DYNC2H1: variants seen among roughly 807,000 people sequenced by gnomAD.
The protein encoded by DYNC2H1 is cytoplasmic dynein 2 heavy chain 1.
A neutral mutation model predicts 570.0 loss-of-function variants in DYNC2H1; 410 were observed. That is an observed-to-expected ratio of 0.72 (90% CI 0.66 to 0.78). The LOEUF (loss-of-function observed/expected upper bound fraction) is 0.78, where lower values mean the gene tolerates loss of function less well. DYNC2H1 is among the 30% of genes least tolerant of loss of function. The pLI is 0.00. For missense variants in DYNC2H1, 4,865 were observed against 5,046.4 expected (o/e 0.96, Z 1.09); for synonymous variants, 1,688 against 1,677.6 (o/e 1.01, Z -0.15).
chr11:103,156,816 AAATT>A (rs769892557), intron 26 of DYNC2H1, 46 bp downstream of exon 26: 63 of 1,568,916 alleles, frequency 4.0e-5, no homozygotes, highest in Non-Finnish European at 4.7e-5. Flanking sequence ...TATTTTTTTT[AAATT>A]AATTCATATT....
At chr11:103,222,875 A>T (rs1863642664) in intron 58 of DYNC2H1, 90 bp from the exon 59 acceptor site, 1 of 1,537,778 alleles carries the variant, frequency 6.5e-7, no homozygotes, top group Non-Finnish European at 8.8e-7. Context: ...GGTCAAGTTA[A>T]TAAGTGCCCA....
Position 103,152,190 on chromosome 11 carries a change from G to T in DYNC2H1, c.3001G>T (p.Ala1001Ser), listed in dbSNP as rs757282644. The T allele has an allele frequency of 1.0e-4, 161 of 1,608,574 alleles. No homozygotes were observed. The highest frequency in any genetic ancestry group is 1.3e-4 in the Non-Finnish European group (156 of 1,178,220). The change falls in exon 21 of 89, where the codon GCT (alanine) becomes TCT (serine). Residue 1001 changes from alanine (A) to serine (S), a missense_variant. Physicochemically the swap from Ala to Ser is moderately conservative, Grantham distance 99. This residue lies in a region of DYNC2H1 where 1,936 missense variants were observed against 1,962.1 expected (regional missense o/e 0.99). Transcript: ENST00000375735. ...CAAAAACAGACTTTTACGAACTGTG[G>T]CTGGTGGAGGTTTAGAAACAATTAG... is the stretch of plus-strand genomic sequence containing the variant. ...EDKNRLLRTVAGGGLETISNL... is the reference protein window; with the variant it reads ...EDKNRLLRTVSGGGLETISNL...
chr11:103,174,222 T>A, intron 36 of DYNC2H1, 52 bp downstream of exon 36: 2 of 1,406,102 alleles, frequency 1.4e-6, no homozygotes, highest in Non-Finnish European at 1.9e-6. Context: ...ACATAAGCGT[T>A]AATTTAGAAT....
intron 78 of DYNC2H1, among the ~76,000 whole-genome samples, chr11:103,309,402 C>T (rs1312002844): frequency 1.6e-4 from 24 of 148,538 alleles, no homozygotes; most frequent in African/African-American, 5.2e-4. Context: ...ACTATGTTGC[C>T]GAGGCTGGTC....
chr11:103,137,232 T>C (rs1018244055), intron 17 of DYNC2H1, among the ~76,000 whole-genome samples: 2 of 148,962 alleles, frequency 1.3e-5, no homozygotes, highest in Admixed American at 1.3e-4. Context: ...TTAGTTGAAT[T>C]AGATCCCATT....
chr11:103,119,622 G>C (rs926566453), intron 6 of DYNC2H1, among the ~76,000 whole-genome samples: 1 of 152,190 alleles, frequency 6.6e-6, no homozygotes, highest in Non-Finnish European at 1.5e-5. Context: ...TTACAGGCGT[G>C]AGCCACTGCA....
chr11:103,208,859 T>C (rs1294038475), intron 52 of DYNC2H1, among the ~76,000 whole-genome samples: 3 of 152,134 alleles, frequency 2.0e-5, no homozygotes, highest in African/African-American at 7.2e-5. Context: ...CCATTTTTAC[T>C]TCAAGGGAAG....
At chr11:103,304,185 G>A (rs1361485510) in intron 76 of DYNC2H1, among the ~76,000 whole-genome samples, 2 of 152,086 alleles carry the variant, frequency 1.3e-5, no homozygotes, top group Non-Finnish European at 2.9e-5. Flanking sequence ...ATTGAAAAGT[G>A]AAAATTCTAC....
At chr11:103,388,328 G>A (rs966787032) in intron 83 of DYNC2H1, among the ~76,000 whole-genome samples, 5 of 152,130 alleles carry the variant, frequency 3.3e-5, no homozygotes, top group African/African-American at 1.2e-4. Context: ...GTATAAGAAT[G>A]CCTGTGATTT....
chr11:103,395,295 G>T lies in DYNC2H1; in HGVS notation c.12157-4368G>T, dbSNP rs1205960438. On this transcript the variant is annotated intron_variant, in intron 83 of 88. Transcript: ENST00000375735. The surrounding 1 kb of genome is among the most constrained non-coding windows in gnomAD (Gnocchi z 4.3). ...TTTCATAGCTTGTTTCAAGAAACTT[G>T]CAAGAATGTCATGAGGACCCAGTGA... is the stretch of plus-strand genomic sequence containing the variant. 1.3e-5 allele frequency among the ~76,000 whole-genome samples: 2 copies of T among 151,896 alleles called. No individual in the cohort carries two copies. Among genetic ancestry groups the T allele is most frequent in the East Asian group, 3.9e-4 (2 of 5,188 alleles).
rs544776523 is a variant in DYNC2H1 at position 103,129,633 on chromosome 11, G to A, written c.1953+628G>A. The stretch of plus-strand genomic sequence containing the variant: ...CAGGAGGTGGAGGTTGCAGTGGGTC[G>A]AGATCGTGCCACTGCACTCTAGCCT... On this transcript the variant is annotated intron_variant, in intron 13 of 88. Transcript: ENST00000375735. The surrounding 1 kb of genome is among the most constrained non-coding windows in gnomAD (Gnocchi z 4.1). 1.1e-4 allele frequency among the ~76,000 whole-genome samples: 17 copies of A among 151,742 alleles called. No individual in the cohort carries two copies. The highest frequency in any genetic ancestry group is 3.3e-4 in the Admixed American group (5 of 15,228).
intron 52 of DYNC2H1, among the ~76,000 whole-genome samples, chr11:103,207,859 A>G (rs1362792596): frequency 6.6e-6 from 1 of 152,150 alleles, no homozygotes; most frequent in Non-Finnish European, 1.5e-5. Flanking sequence ...TGAAGGCAAG[A>G]GAGTTGAGAA....
In DYNC2H1 at chr11:103,326,622, T is replaced by C. The variant is rs1467602202; in HGVS notation, c.12039+2632T>C. 6.6e-6 allele frequency among the ~76,000 whole-genome samples: 1 copy of C among 152,178 alleles called. No homozygotes were observed. The highest frequency in any genetic ancestry group is 2.4e-5 in the African/African-American group (1 of 41,456). Reference sequence around the variant, plus strand: ...TCTGGCAGCACTGGGGGATCTGAAGTGCCCCTAGGTTACTTGGAAAATACT... The same window carrying C: ...TCTGGCAGCACTGGGGGATCTGAAGCGCCCCTAGGTTACTTGGAAAATACT... On this transcript the variant is annotated intron_variant, in intron 82 of 88. Transcript: ENST00000375735. The surrounding 1 kb of genome is among the most constrained non-coding windows in gnomAD (Gnocchi z 6.1).
chr11:103,354,185 A>C lies in DYNC2H1; in HGVS notation c.12040-4058A>C, dbSNP rs556927643. Among the ~76,000 whole-genome samples the C allele has an allele frequency of 1.0e-3, 150 of 150,670 alleles. 2 individuals carry two copies. The highest frequency in any genetic ancestry group is 3.5e-3 in the African/African-American group (145 of 41,024). ...GAGCCAGGCTCTGTCTCAAAACAAA[A>C]AAAAAAAAAAAAAAAAATCTCCTGT... On this transcript the variant is annotated intron_variant, in intron 82 of 88. Transcript: ENST00000375735.
intron 88 of DYNC2H1, among the ~76,000 whole-genome samples, chr11:103,470,420 C>G (rs1232926356): frequency 9.0e-6 from 1 of 111,000 alleles, no homozygotes; most frequent in African/African-American, 3.1e-5. Context: ...ACTTTTTACT[C>G]TTTTTCTTTT....
chr11:103,125,366 C>CTTTTTT (rs71465387), intron 12 of DYNC2H1, 71 bp downstream of exon 12: 3 of 553,180 alleles, frequency 5.4e-6, no homozygotes, highest in African/African-American at 2.4e-5. Flanking sequence ...ATGCTAAAGG[C>CTTTTTT]TTTTTTTTTT....
intron 29 of DYNC2H1, among the ~76,000 whole-genome samples, chr11:103,162,014 A>G (rs1209147697): frequency 6.6e-6 from 1 of 152,218 alleles, no homozygotes; most frequent in East Asian, 1.9e-4. Context: ...CAGTTGATTG[A>G]AAACCTGGGA....
intron 83 of DYNC2H1, among the ~76,000 whole-genome samples, chr11:103,358,700 CT>C (rs1337955237): frequency 6.6e-6 from 1 of 151,838 alleles, no homozygotes; most frequent in Admixed American, 6.6e-5. Flanking sequence ...CAGTTTCCAA[CT>C]TTTTTTTAAG....
At chr11:103,378,185 C>T (rs1190628892) in intron 83 of DYNC2H1, among the ~76,000 whole-genome samples, 1 of 152,214 alleles carries the variant, frequency 6.6e-6, no homozygotes, top group African/African-American at 2.4e-5. Context: ...TTGTACATCT[C>T]TATCCCCATT....
Sources: gnomAD v4.1 joint callset for allele counts (sites outside exome capture counted in the v4.1 genomes callset) on GRCh38, gnomAD v4.1.1 for gene constraint, gnomAD v4.1.1 regional missense constraint, Gnocchi (gnomAD v3.1) non-coding constraint, MANE v1.5 for transcripts, NCBI Gene and HGNC (gene_info 2026-07-23, HGNC 2026-07-21) for gene names.